The following DENND1B variants were observed in gnomAD, a reference collection of about 807,000 sequenced individuals.
DENND1B encodes the protein DENN domain containing 1B.
In DENND1B, 59 loss-of-function variants were observed where a neutral mutation model predicts 90.1. The ratio of observed to expected loss-of-function variants is 0.65; its 90% CI spans 0.53 to 0.81. The LOEUF is 0.81. Among genes scored for constraint, DENND1B ranks in the 40% least tolerant of loss-of-function variants. DENND1B has a pLI of 0.00. For missense variants in DENND1B, 862 were observed against 912.6 expected (o/e 0.94, Z 0.71); for synonymous variants, 337 against 324.6 (o/e 1.04, Z -0.41).
chr1:197,720,602 T>A (rs1190003663), intron 2 of DENND1B, among the ~76,000 whole-genome samples: 1 of 151,990 alleles, frequency 6.6e-6, no homozygotes, highest in African/African-American at 2.4e-5. Flanking sequence ...ATTCACTCAA[T>A]CATTTAGGGC....
chr1:197,646,911 A>G, intron 8 of DENND1B, 144 bp downstream of exon 8: 1 of 567,304 alleles, frequency 1.8e-6, no homozygotes, highest in Non-Finnish European at 3.0e-6. Context: ...AGAAAATATT[A>G]TATATTCCAA....
At chr1:197,536,158 GAT>G (rs1375561056) in intron 20 of DENND1B, among the ~76,000 whole-genome samples, 4 of 66,848 alleles carry the variant, frequency 6.0e-5, no homozygotes, top group African/African-American at 2.0e-4. Context: ...GAGAGAGAGA[GAT>G]AGATGAGATG....
intron 10 of DENND1B, among the ~76,000 whole-genome samples, chr1:197,638,657 A>AC (rs533495512): frequency 5.0e-4 from 76 of 152,238 alleles, no homozygotes; most frequent in African/African-American, 1.6e-3. Context: ...GTCAACTGAT[A>AC]CCCCCTTGTA....
chr1:197,537,479 T>C (rs1041601846), intron 20 of DENND1B, among the ~76,000 whole-genome samples: 2 of 152,094 alleles, frequency 1.3e-5, no homozygotes, highest in Non-Finnish European at 2.9e-5. Flanking sequence ...ATTTTCTCTA[T>C]CAGAATGTAC....
intron 2 of DENND1B, among the ~76,000 whole-genome samples, chr1:197,723,863 CAT>C (rs767208793): frequency 2.0e-4 from 30 of 151,996 alleles, no homozygotes; most frequent in Non-Finnish European, 2.9e-4. Context: ...TAAAAGAAGA[CAT>C]ATATTTTTAT....
chr1:197,525,226 A>C (rs954023958), intron 20 of DENND1B, among the ~76,000 whole-genome samples: 1 of 152,148 alleles, frequency 6.6e-6, no homozygotes, highest in Non-Finnish European at 1.5e-5. Context: ...ATCAATTTTA[A>C]ATTTTTAAAA....
intron 3 of DENND1B, among the ~76,000 whole-genome samples, chr1:197,698,284 T>A (rs1467695600): frequency 6.6e-6 from 1 of 152,014 alleles, no homozygotes; most frequent in Non-Finnish European, 1.5e-5. Flanking sequence ...CACAATTACA[T>A]GGAAATTGAA....
At chr1:197,601,377 T>A (rs1020776832) in intron 13 of DENND1B, among the ~76,000 whole-genome samples, 1 of 151,766 alleles carries the variant, frequency 6.6e-6, no homozygotes, top group African/African-American at 2.4e-5. Context: ...GTCATTATGA[T>A]ATCGGCAAGG....
chr1:197,747,481 GC>G, intron 2 of DENND1B: 1 of 270,488 alleles, frequency 3.7e-6, no homozygotes, highest in South Asian at 6.9e-5. Flanking sequence ...CGGTCACCTG[GC>G]AGCCATCTTA....
chr1:197,728,320 T>C (rs745356051), intron 2 of DENND1B, among the ~76,000 whole-genome samples: 2 of 152,216 alleles, frequency 1.3e-5, no homozygotes, highest in African/African-American at 2.4e-5. Context: ...GTTTCAAATA[T>C]TGTTTTAAAC....
rs575836216 is a variant in DENND1B, at chr1:197,590,778, T to A, written c.1047+4430A>T. On this transcript the variant is annotated intron_variant, in intron 14 of 22. Coordinates refer to ENST00000620048, the MANE Select transcript of DENND1B (RefSeq NM_001195215.2). ...TGGTTCCCCAGTACTCCTGTCTTCC[T>A]TCCTAAGGTCTTTGAGATTTGAGCC... Among the ~76,000 whole-genome samples, 39 of 152,330 alleles carry A rather than the reference T, an allele frequency of 2.6e-4. 1 individual carries two copies. Among genetic ancestry groups the A allele is most frequent in the African/African-American group, 8.9e-4 (37 of 41,578 alleles).
At chr1:197,770,515 T>C (rs565646020) in intron 2 of DENND1B, among the ~76,000 whole-genome samples, 67 of 151,652 alleles carry the variant, frequency 4.4e-4, no homozygotes, top group African/African-American at 1.5e-3. Flanking sequence ...ATAAGGCAAA[T>C]TGATCTTTTA....
At position 197,772,935 on chromosome 1, in the gene DENND1B, A is replaced by G. The variant is rs1403310158; in HGVS notation, c.18-3T>C. The G allele has an allele frequency of 6.5e-7, 1 of 1,550,360 alleles. No homozygotes were observed. Among genetic ancestry groups the G allele is most frequent in the Admixed American group, 2.0e-5 (1 of 50,694 alleles). The stretch of plus-strand genomic sequence containing the variant: ...CAAAGGTTCTGTCTGGATTTGCCCT[A>G]AAAGGAAAAAGTTTAAATTAATTTC... On this transcript the variant is annotated splice_polypyrimidine_tract_variant and splice_region_variant and intron_variant, in intron 1 of 22. Transcript: ENST00000620048.
At chr1:197,720,550 T>C (rs1317981477) in intron 2 of DENND1B, among the ~76,000 whole-genome samples, 1 of 136,176 alleles carries the variant, frequency 7.3e-6, no homozygotes, top group East Asian at 2.2e-4. Context: ...CTTACCATAA[T>C]TTTATATTCA....
chr1:197,564,582 T>A (rs1345358606), intron 15 of DENND1B, among the ~76,000 whole-genome samples: 2 of 151,950 alleles, frequency 1.3e-5, no homozygotes. Flanking sequence ...CAAAAAACTT[T>A]GTGTAATTCA....
chr1:197,663,967 A>C (rs1031339970), intron 5 of DENND1B, among the ~76,000 whole-genome samples: 5 of 151,960 alleles, frequency 3.3e-5, no homozygotes, highest in African/African-American at 1.2e-4. Flanking sequence ...TATATGGCAA[A>C]AACAACATCA....
chr1:197,589,344 G>C (rs1396953923), intron 14 of DENND1B, among the ~76,000 whole-genome samples: 1 of 152,094 alleles, frequency 6.6e-6, no homozygotes, highest in Non-Finnish European at 1.5e-5. Flanking sequence ...TGAGCAGAAA[G>C]AAAGTGCCAT....
intron 3 of DENND1B, among the ~76,000 whole-genome samples, chr1:197,705,762 G>T (rs1281691708): frequency 6.6e-6 from 1 of 151,484 alleles, no homozygotes; most frequent in Non-Finnish European, 1.5e-5. Flanking sequence ...ATGGTAAAAT[G>T]AGTGAGCAAG....
At chr1:197,657,357 A>T (rs986268856) in intron 6 of DENND1B, among the ~76,000 whole-genome samples, 15 of 151,968 alleles carry the variant, frequency 9.9e-5, no homozygotes, top group Admixed American at 8.5e-4. Context: ...ACTTTTCCTG[A>T]CTCTCCAGGT....
Sources: allele counts gnomAD v4.1 joint callset (sites outside exome capture counted in the v4.1 genomes callset), GRCh38; gene constraint gnomAD v4.1.1; transcripts MANE v1.5; gene names NCBI Gene and HGNC (gene_info 2026-07-23, HGNC 2026-07-21).